MAGI2: variants seen among roughly 807,000 people sequenced by gnomAD.
MAGI2 encodes the protein membrane associated guanylate kinase, WW and PDZ domain containing 2.
Under a neutral mutation model 133.3 loss-of-function variants are expected in MAGI2, and 35 were observed. The observed-to-expected ratio is 0.26, with a 90% CI of 0.20 to 0.35. The LOEUF is 0.35. Among genes scored for constraint, MAGI2 ranks in the 10% least tolerant of loss-of-function variants. The pLI, the probability that MAGI2 is intolerant of heterozygous loss-of-function variation, is 1.00. For synonymous variants in MAGI2, 729 were observed against 710.6 expected (o/e 1.03, Z -0.41); for missense variants, 1,636 against 1,863.4 (o/e 0.88, Z 2.25).
At chr7:78,441,298 A>T (rs558830980) in intron 6 of MAGI2, among the ~76,000 whole-genome samples, 10 of 152,314 alleles carry the variant, frequency 6.6e-5, no homozygotes, top group African/African-American at 1.7e-4. Flanking sequence ...AAGGGATCTG[A>T]CCTACCATGC....
intron 20 of MAGI2, among the ~76,000 whole-genome samples, chr7:78,102,483 A>G (rs1818291376): frequency 6.6e-6 from 1 of 152,204 alleles, no homozygotes; most frequent in Non-Finnish European, 1.5e-5. Flanking sequence ...ATGATGTTCT[A>G]TTTGTCAGTC....
At chr7:78,588,978 C>T in intron 3 of MAGI2, among the ~76,000 whole-genome samples, 1 of 152,114 alleles carries the variant, frequency 6.6e-6, no homozygotes, top group East Asian at 1.9e-4. Flanking sequence ...TAGGAATTCC[C>T]AAGCTTCTTA....
intron 9 of MAGI2, among the ~76,000 whole-genome samples, chr7:78,297,785 C>G (rs993328023): frequency 1.3e-4 from 18 of 139,948 alleles, no homozygotes; most frequent in African/African-American, 4.3e-4. Context: ...ACAGTGAGAT[C>G]ACATGGACAC....
At chr7:78,871,059 C>T (rs1443710377) in intron 2 of MAGI2, among the ~76,000 whole-genome samples, 1 of 152,074 alleles carries the variant, frequency 6.6e-6, no homozygotes, top group Non-Finnish European at 1.5e-5. Flanking sequence ...GCCTGTAATC[C>T]CAGCACTTTG....
In MAGI2 at chr7:79,009,983, C is replaced by T. The variant is rs149475188; in HGVS notation, c.302-2777G>A. Among the ~76,000 whole-genome samples, 1,104 of 152,094 alleles carry T rather than the reference C, an allele frequency of 7.3e-3. 8 individuals carry two copies. Among genetic ancestry groups the T allele is most frequent in the African/African-American group, 0.024 (1,017 of 41,520 alleles). On this transcript the variant is annotated intron_variant, in intron 1 of 21. Transcript: ENST00000354212. ...CATTAAAAAAACTATTTTGATTGAG[C>T]ATTCTTTTAAAACTAATATAGTTGA...
At chr7:79,405,852 T>C (rs946516704) in intron 1 of MAGI2, among the ~76,000 whole-genome samples, 1 of 139,612 alleles carries the variant, frequency 7.2e-6, no homozygotes, top group Non-Finnish European at 1.5e-5. Flanking sequence ...TTTGTTCTGA[T>C]AAGAGACACA....
intron 2 of MAGI2, among the ~76,000 whole-genome samples, chr7:78,763,763 A>T (rs1002864094): frequency 2.9e-4 from 44 of 152,328 alleles, no homozygotes; most frequent in African/African-American, 1.0e-3. Flanking sequence ...GGCTTTAACA[A>T]TTCTTGCACC....
intron 3 of MAGI2, among the ~76,000 whole-genome samples, chr7:78,582,288 G>T (rs902878690): frequency 6.6e-6 from 1 of 152,132 alleles, no homozygotes; most frequent in Admixed American, 6.5e-5. Flanking sequence ...GCAACCACGT[G>T]GGAAGTGAAG....
chr7:79,450,596 T>C (rs534142734), intron 1 of MAGI2, among the ~76,000 whole-genome samples: 2 of 152,284 alleles, frequency 1.3e-5, no homozygotes, highest in African/African-American at 2.4e-5. Flanking sequence ...TGAGGGTTAA[T>C]ATAGAATGAA....
At chr7:79,003,624 T>C (rs186517444) in intron 2 of MAGI2, among the ~76,000 whole-genome samples, 32 of 152,296 alleles carry the variant, frequency 2.1e-4, no homozygotes, top group African/African-American at 7.5e-4. Context: ...CCAACAGATA[T>C]GCTGGATACT....
At chr7:78,834,977 G>T (rs1020481570) in intron 2 of MAGI2, among the ~76,000 whole-genome samples, 1 of 152,152 alleles carries the variant, frequency 6.6e-6, no homozygotes, top group Non-Finnish European at 1.5e-5. Context: ...GCAGATGCCA[G>T]CACCATGCTT....
At chr7:78,651,417 T>A (rs1199482820) in intron 2 of MAGI2, among the ~76,000 whole-genome samples, 3 of 152,146 alleles carry the variant, frequency 2.0e-5, no homozygotes, top group African/African-American at 7.2e-5. Context: ...TTCACTCTAT[T>A]CTTTCAGCGC....
chr7:78,709,444 T>C (rs1465963232), intron 2 of MAGI2, among the ~76,000 whole-genome samples: 3 of 152,218 alleles, frequency 2.0e-5, no homozygotes. Context: ...TGTGATTTCA[T>C]CTTTGGTAGG....
chr7:78,613,059 T>G (rs1806646890), intron 3 of MAGI2, among the ~76,000 whole-genome samples: 1 of 152,218 alleles, frequency 6.6e-6, no homozygotes, highest in Admixed American at 6.5e-5. Context: ...ATTAGTTTTA[T>G]TCACACAAAC....
At chr7:78,613,453 A>G (rs1300780176) in intron 3 of MAGI2, among the ~76,000 whole-genome samples, 1 of 152,232 alleles carries the variant, frequency 6.6e-6, no homozygotes, top group Non-Finnish European at 1.5e-5. Context: ...GATCAAGTGA[A>G]GTAAAAAATG....
At chr7:78,830,012 T>C (rs2151440357) in intron 2 of MAGI2, among the ~76,000 whole-genome samples, 1 of 152,214 alleles carries the variant, frequency 6.6e-6, no homozygotes, top group Admixed American at 6.5e-5. Flanking sequence ...TTAAAATCTT[T>C]ACTTTTTGTA....
chr7:78,645,182 G>C (rs1208308010), intron 2 of MAGI2, among the ~76,000 whole-genome samples: 1 of 151,612 alleles, frequency 6.6e-6, no homozygotes, highest in African/African-American at 2.4e-5. Context: ...TCACTTATAG[G>C]AAACTCCAGA....
intron 2 of MAGI2, among the ~76,000 whole-genome samples, chr7:78,902,850 C>A (rs1797708759): frequency 1.3e-5 from 2 of 151,972 alleles, no homozygotes; most frequent in Non-Finnish European, 2.9e-5. Flanking sequence ...AAGCTAAAAT[C>A]GAGGGAAAAA....
chr7:78,395,724 TA>T, intron 6 of MAGI2, among the ~76,000 whole-genome samples: 1 of 152,334 alleles, frequency 6.6e-6, no homozygotes, highest in Admixed American at 6.5e-5. Flanking sequence ...TATTTTATAC[TA>T]TAAATTCAGT....
Sources: allele counts gnomAD v4.1 joint callset (sites outside exome capture counted in the v4.1 genomes callset), GRCh38; gene constraint gnomAD v4.1.1; transcripts MANE v1.5; gene names NCBI Gene and HGNC (gene_info 2026-07-23, HGNC 2026-07-21).